CATIP: variants seen among roughly 807,000 people sequenced by gnomAD.
CATIP encodes ciliogenesis associated TTC17 interacting protein.
CATIP carries 40 observed loss-of-function variants against 42.5 expected under a neutral mutation model. That is an observed-to-expected ratio of 0.94 (90% CI 0.73 to 1.22). The LOEUF is 1.22. Among genes scored for constraint, CATIP ranks in the 50% most tolerant of loss-of-function variants. The probability of loss-of-function intolerance (pLI) is 0.00; values close to 1 mark genes in which losing one functional copy is unlikely to be tolerated. For missense variants in CATIP, 489 were observed against 496.0 expected, an observed-to-expected ratio of 0.99 and a Z score of 0.13; for synonymous variants, 222 against 200.2, an observed-to-expected ratio of 1.11 and a Z score of -0.92.
chr2:218,362,711 C>T, intron 5 of CATIP, 24 bp from the exon 6 acceptor site: 1 of 1,608,264 alleles, frequency 6.2e-7, no homozygotes, highest in Non-Finnish European at 8.5e-7. Context: ...TTCCAGGACC[C>T]TGACCCAGAT....
intron 4 of CATIP, among the ~76,000 whole-genome samples, chr2:218,358,601 A>G (rs1356477981): frequency 2.0e-5 from 3 of 149,716 alleles, no homozygotes; most frequent in African/African-American, 4.9e-5. Flanking sequence ...GCCAGGCACA[A>G]TGGCTCAAGC....
At position 218,356,861 on chromosome 2, in the gene CATIP, AC is replaced by A; in HGVS notation, c.-22del. 6.2e-7 allele frequency: 1 copy of A among 1,614,040 alleles called. No homozygotes were observed. The highest frequency in any genetic ancestry group is 8.5e-7 in the Non-Finnish European group (1 of 1,179,994). On this transcript the variant is annotated 5_prime_UTR_variant, in exon 1 of 10. Transcript: ENST00000289388. ...TTGCCATGGAGACAGCTGGACACAG[AC>A]CGGGTAGAGGCAGGCCCACAGCATG...
intron 4 of CATIP, 141 bp downstream of exon 4, chr2:218,358,233 T>C (rs1215888226): frequency 8.3e-6 from 6 of 724,650 alleles, no homozygotes; most frequent in Middle Eastern, 2.5e-4. Flanking sequence ...TATGATGCAA[T>C]GTAAAGCTCA....
Position 218,367,493 on chromosome 2 carries a change from T to C in CATIP, c.896T>C (p.Leu299Pro). ...CTGGTATGGGAGGAGGATATGGAGCTCTATTCGAAGTTCCTGGACCGGAAG... is the reference window on the plus strand; with the variant it reads ...CTGGTATGGGAGGAGGATATGGAGCCCTATTCGAAGTTCCTGGACCGGAAG... ...KPLVWEEDME[L>P]YSKFLDRKEE... Residue 299 changes from leucine (L) to proline (P), a missense_variant, in exon 9 of 10, where the codon CTC becomes CCC. Transcript: ENST00000289388. 6.2e-7 allele frequency: 1 copy of C among 1,614,106 alleles called. No homozygotes were observed. Among genetic ancestry groups the C allele is most frequent in the Non-Finnish European group, 8.5e-7 (1 of 1,180,016 alleles).
intron 7 of CATIP, 45 bp from the exon 8 acceptor site, chr2:218,366,979 C>A (rs201849108): frequency 7.3e-5 from 104 of 1,416,022 alleles, no homozygotes; most frequent in Non-Finnish European, 9.7e-5. Context: ...CCATAGCAGG[C>A]GGTCTGGGAA....
At chr2:218,359,099 G>T (rs185877061) in intron 4 of CATIP, among the ~76,000 whole-genome samples, 28 of 152,038 alleles carry the variant, frequency 1.8e-4, no homozygotes, top group African/African-American at 6.7e-4. Context: ...AACACTTTGG[G>T]ATGCCGAGGC....
intron 8 of CATIP, 127 bp from the exon 9 acceptor site, chr2:218,367,301 ACT>A: frequency 2.2e-6 from 2 of 926,016 alleles, no homozygotes; most frequent in Non-Finnish European, 3.4e-6. Context: ...CCTTCCTGCA[ACT>A]CTGCCCATGT....
At position 218,363,485 on chromosome 2, in the gene CATIP, C is replaced by CA. The variant is rs35752655; in HGVS notation, c.630+595dup. 6.6e-3 allele frequency among the ~76,000 whole-genome samples: 596 copies of CA among 89,688 alleles called. 4 individuals are homozygous for CA. Among genetic ancestry groups the CA allele is most frequent in the Middle Eastern group, 0.028 (4 of 142 alleles). The allele number at this position is 89,688 out of a possible 152,430, so 58.8% of individuals were successfully genotyped here. ...TGGGTGACAGAGCGAGACTCTGTCTCAAAAAAAAAAAACAAAAAAAAAAAA... is the reference window on the plus strand; with the variant it reads ...TGGGTGACAGAGCGAGACTCTGTCTCAAAAAAAAAAAAACAAAAAAAAAAAA... On this transcript the variant is annotated intron_variant, in intron 6 of 9. Transcript: ENST00000289388.
chr2:218,360,247 G>A (rs891163632), intron 4 of CATIP, among the ~76,000 whole-genome samples: 2 of 151,976 alleles, frequency 1.3e-5, no homozygotes, highest in African/African-American at 2.4e-5. Context: ...CCGCCTCCGG[G>A]TTCAAGCAAT....
chr2:218,367,653 C>A (rs1695504317), intron 9 of CATIP, 69 bp from the exon 10 acceptor site: 3 of 1,580,254 alleles, frequency 1.9e-6, no homozygotes, highest in South Asian at 2.3e-5. Context: ...CTCCTTGGAG[C>A]GAGCGGCTGG....
intron 4 of CATIP, among the ~76,000 whole-genome samples, chr2:218,360,062 G>A (rs1695180948): frequency 6.6e-6 from 1 of 152,060 alleles, no homozygotes; most frequent in Non-Finnish European, 1.5e-5. Flanking sequence ...CTGACCTCAA[G>A]TGATCTGCCC....
At chr2:218,357,768 C>A in intron 3 of CATIP, 34 bp downstream of exon 3, 4 of 1,581,108 alleles carry the variant, frequency 2.5e-6, no homozygotes, top group Non-Finnish European at 3.5e-6. Flanking sequence ...CCGTCACTCT[C>A]CCCTTCCTCC....
chr2:218,357,372 G>A (rs1695065094), intron 2 of CATIP, 162 bp from the exon 3 acceptor site: 1 of 717,680 alleles, frequency 1.4e-6, no homozygotes, highest in African/African-American at 1.8e-5. Flanking sequence ...GGGGACATGG[G>A]GACATGGGGC....
intron 5 of CATIP, 92 bp from the exon 6 acceptor site, chr2:218,362,639 AAAAC>A: frequency 1.5e-6 from 2 of 1,306,238 alleles, no homozygotes; most frequent in African/African-American, 1.5e-5. Flanking sequence ...GTCTCAAAAA[AAAAC>A]AAAACCGTAT....
Position 218,367,730 on chromosome 2 carries a change from C to A in CATIP, c.930C>A (p.Leu310=), listed in dbSNP as rs776818661. 5 of 1,597,316 alleles carry A rather than the reference C, an allele frequency of 3.1e-6. No homozygotes were observed. The highest frequency in any genetic ancestry group is 1.7e-5 in the Admixed American group (1 of 58,062). ...GCTCTGTCCCCTGCCAGGAGGAGCT[C>A]CGGCTCGGCCACGCCAGCTATCTGC... ...YSKFLDRKEE[L]RLGHASYLRQ... Residue 310 remains leucine (L), a synonymous_variant, in exon 10 of 10, where the codon CTC becomes CTA. Transcript: ENST00000289388.
chr2:218,366,596 A>G (rs1416369134), intron 7 of CATIP: 1 of 220,996 alleles, frequency 4.5e-6, no homozygotes, highest in African/African-American at 2.4e-5. Context: ...GGCCCGGGAC[A>G]GGTCTCTCAA....
At chr2:218,362,172 T>A (rs1410272457) in intron 5 of CATIP, among the ~76,000 whole-genome samples, 1 of 151,750 alleles carries the variant, frequency 6.6e-6, no homozygotes, top group Non-Finnish European at 1.5e-5. Flanking sequence ...CTGGCCAATA[T>A]GGTGAAATCC....
intron 3 of CATIP, 144 bp from the exon 4 acceptor site, chr2:218,357,893 C>T (rs1695091906): frequency 1.9e-6 from 2 of 1,057,360 alleles, no homozygotes; most frequent in East Asian, 2.4e-5. Context: ...CTCATGGACT[C>T]GGGATGAGGG....
intron 4 of CATIP, among the ~76,000 whole-genome samples, chr2:218,359,014 G>C (rs1441249785): frequency 6.6e-6 from 1 of 151,976 alleles, no homozygotes; most frequent in Non-Finnish European, 1.5e-5. Flanking sequence ...AGACCAGCCT[G>C]ACCAACATGG....
Sources: gnomAD v4.1 joint callset for allele counts (sites outside exome capture counted in the v4.1 genomes callset) on GRCh38, gnomAD v4.1.1 for gene constraint, MANE v1.5 for transcripts, NCBI Gene and HGNC (gene_info 2026-07-23, HGNC 2026-07-21) for gene names.